Variants in WWOX observed in about 807,000 individuals in gnomAD.
The protein encoded by WWOX is WW domain-containing oxidoreductase.
A neutral mutation model predicts 46.2 loss-of-function variants in WWOX; 69 were observed. That is an observed-to-expected ratio of 1.49 (90% CI 1.23 to 1.82). The LOEUF (loss-of-function observed/expected upper bound fraction) is 1.82, where lower values mean the gene tolerates loss of function less well. Among genes scored for constraint, WWOX ranks in the 40% most tolerant of loss-of-function variants. The pLI, the probability that WWOX is intolerant of heterozygous loss-of-function variation, is 0.00. For synonymous variants in WWOX, 359 were observed against 202.6 expected, an observed-to-expected ratio of 1.77 and a Z score of -6.56; for missense variants, 919 against 542.6, an observed-to-expected ratio of 1.69 and a Z score of -6.89.
chr16:78,358,185 T>A (rs2081337133), intron 5 of WWOX, among the ~76,000 whole-genome samples: 1 of 151,848 alleles, frequency 6.6e-6, no homozygotes, highest in African/African-American at 2.4e-5. Context: ...AATCAACAAT[T>A]CTCCTATCGA....
intron 8 of WWOX, among the ~76,000 whole-genome samples, chr16:79,148,792 T>TGGC (rs150081266): frequency 5.5e-5 from 4 of 72,086 alleles, no homozygotes; most frequent in African/African-American, 1.6e-4. Flanking sequence ...CGATTGTAAA[T>TGGC]GGCATTGTGT....
At chr16:78,172,774 A>G (rs749240350) in intron 5 of WWOX, among the ~76,000 whole-genome samples, 1 of 152,110 alleles carries the variant, frequency 6.6e-6, no homozygotes, top group African/African-American at 2.4e-5. Flanking sequence ...AAGCAGATGC[A>G]TCCTTTCATT....
intron 8 of WWOX, among the ~76,000 whole-genome samples, chr16:78,632,643 C>T (rs748774118): frequency 6.7e-6 from 1 of 148,834 alleles, no homozygotes; most frequent in Non-Finnish European, 1.5e-5. Flanking sequence ...CCTGCAACCT[C>T]TGCCTCCCAT....
In WWOX at chr16:78,425,807, C is replaced by T. The variant is rs927667595; in HGVS notation, c.791+752C>T. Among the ~76,000 whole-genome samples the T allele has an allele frequency of 5.3e-5, 8 of 151,748 alleles. No homozygotes were observed. In the South Asian group the frequency reaches 8.4e-4, roughly 16 times the overall value. On this transcript the variant is annotated intron_variant, in intron 7 of 8. Coordinates refer to ENST00000566780, the MANE Select transcript of WWOX (RefSeq NM_016373.4). ...TCACGTTTGCTTGGTGTGTGTTTGG[C>T]GGGGGGAACTTACACTCTTAGCAAA... is the stretch of plus-strand genomic sequence containing the variant.
intron 8 of WWOX, among the ~76,000 whole-genome samples, chr16:78,973,813 G>A (rs561422224): frequency 6.6e-6 from 1 of 152,252 alleles, no homozygotes; most frequent in Non-Finnish European, 1.5e-5. Flanking sequence ...GTTCGGGAGT[G>A]GGGGCACCAG....
At chr16:78,571,700 C>G (rs1283419735) in intron 8 of WWOX, among the ~76,000 whole-genome samples, 1 of 152,070 alleles carries the variant, frequency 6.6e-6, no homozygotes, top group African/African-American at 2.4e-5. Flanking sequence ...GAAACCCCTT[C>G]TCTACTAAAA....
At chr16:78,546,077 A>G (rs1432219167) in intron 8 of WWOX, among the ~76,000 whole-genome samples, 1 of 152,186 alleles carries the variant, frequency 6.6e-6, no homozygotes, top group African/African-American at 2.4e-5. Context: ...GGATAAGGGG[A>G]AAATGGTCCC....
rs74029943 is a variant in WWOX, at chr16:78,730,823, G to A, written c.1056+298071G>A. On this transcript the variant is annotated intron_variant, in intron 8 of 8. Transcript: ENST00000566780. ...GTTTTCTCTTGTGGCTTATCACTTGGAATGTGGAGAGTCATTTCCATTAGG... is the reference window on the plus strand; with the variant it reads ...GTTTTCTCTTGTGGCTTATCACTTGAAATGTGGAGAGTCATTTCCATTAGG... 7.8e-3 allele frequency among the ~76,000 whole-genome samples: 1,187 copies of A among 152,088 alleles called. 11 individuals carry two copies. The highest frequency in any genetic ancestry group is 0.027 in the African/African-American group (1,109 of 41,486).
chr16:78,227,924 C>T (rs774081876), intron 5 of WWOX, among the ~76,000 whole-genome samples: 1 of 151,962 alleles, frequency 6.6e-6, no homozygotes, highest in Non-Finnish European at 1.5e-5. Context: ...TCTATTGAAC[C>T]CCAGTGCAGC....
At chr16:78,584,957 C>T (rs908954539) in intron 8 of WWOX, among the ~76,000 whole-genome samples, 16 of 152,222 alleles carry the variant, frequency 1.1e-4, no homozygotes, top group African/African-American at 3.1e-4. Context: ...GTTTTCCCAA[C>T]AACTGAGGTG....
At chr16:79,163,872 G>T (rs2050538014) in intron 8 of WWOX, among the ~76,000 whole-genome samples, 1 of 133,608 alleles carries the variant, frequency 7.5e-6, no homozygotes, top group East Asian at 2.4e-4. Flanking sequence ...GCAACAGTAA[G>T]GAAGAGAATT....
chr16:78,715,809 CT>C (rs113923881), intron 8 of WWOX, among the ~76,000 whole-genome samples: 2 of 152,254 alleles, frequency 1.3e-5, no homozygotes, highest in African/African-American at 4.8e-5. Context: ...AAAGCAAAAG[CT>C]TTTCTAGAAT....
chr16:78,930,567 A>T (rs543437794), intron 8 of WWOX, among the ~76,000 whole-genome samples: 10 of 149,594 alleles, frequency 6.7e-5, no homozygotes, highest in Non-Finnish European at 1.3e-4. Context: ...CTGGGATCAC[A>T]GGCATAGGCT....
chr16:78,875,560 C>T (rs1008064119), intron 8 of WWOX, among the ~76,000 whole-genome samples: 3 of 152,166 alleles, frequency 2.0e-5, no homozygotes, highest in African/African-American at 7.2e-5. Context: ...ATATGGAATT[C>T]ACTTTGCCTC....
At chr16:79,161,670 C>G (rs4888929) in intron 8 of WWOX, among the ~76,000 whole-genome samples, 64,909 of 151,854 alleles carry the variant, frequency 0.43, 14,754 homozygotes, top group East Asian at 0.74. Flanking sequence ...TTACACCCAC[C>G]ACCATGCCCG....
chr16:79,154,190 C>T (rs117916699), intron 8 of WWOX, among the ~76,000 whole-genome samples: 205 of 152,354 alleles, frequency 1.3e-3, no homozygotes, highest in Non-Finnish European at 1.3e-3. Context: ...TACAGATCGA[C>T]ACCCACTAAA....
chr16:78,718,945 A>C (rs1017742298), intron 8 of WWOX, among the ~76,000 whole-genome samples: 24 of 151,916 alleles, frequency 1.6e-4, no homozygotes, highest in African/African-American at 5.6e-4. Flanking sequence ...CTCTCTTGAA[A>C]TAATCTGCAC....
At chr16:78,867,979 G>A (rs541001528) in intron 8 of WWOX, among the ~76,000 whole-genome samples, 1 of 152,180 alleles carries the variant, frequency 6.6e-6, no homozygotes, top group African/African-American at 2.4e-5. Flanking sequence ...CAGTTGTCCA[G>A]TGCCTTAAAA....
At chr16:78,402,701 G>T (rs1032584704) in intron 6 of WWOX, among the ~76,000 whole-genome samples, 35 of 152,156 alleles carry the variant, frequency 2.3e-4, no homozygotes, top group African/African-American at 8.4e-4. Context: ...GGTGTTACAT[G>T]ACTCATTTTC....
Sources: allele counts gnomAD v4.1 joint callset (sites outside exome capture counted in the v4.1 genomes callset), GRCh38; gene constraint gnomAD v4.1.1; transcripts MANE v1.5; gene names NCBI Gene and HGNC (gene_info 2026-07-23, HGNC 2026-07-21).